The following FAM107A variants were observed in gnomAD, a reference collection of about 807,000 sequenced individuals.
FAM107A encodes family with sequence similarity 107 member A.
In FAM107A, 19 loss-of-function variants were observed where a neutral mutation model predicts 13.7. That is an observed-to-expected ratio of 1.38 (90% CI 0.97 to 2.03). The LOEUF (loss-of-function observed/expected upper bound fraction) is 2.03, where lower values mean the gene tolerates loss of function less well. Among genes scored for constraint, FAM107A ranks in the 30% most tolerant of loss-of-function variants. The pLI is 0.00. For missense variants in FAM107A, 203 were observed against 184.4 expected, an observed-to-expected ratio of 1.10 and a Z score of -0.58; for synonymous variants, 82 against 74.5, an observed-to-expected ratio of 1.10 and a Z score of -0.52.
chr3:58,598,568 C>T (rs572390520), intron 1 of FAM107A, among the ~76,000 whole-genome samples: 79 of 152,344 alleles, frequency 5.2e-4, no homozygotes, highest in Non-Finnish European at 9.8e-4. Flanking sequence ...TTGTTTCATT[C>T]CCCTTAAATG....
At chr3:58,615,486 G>A (rs1021026554) in intron 1 of FAM107A, among the ~76,000 whole-genome samples, 1 of 152,184 alleles carries the variant, frequency 6.6e-6, no homozygotes, top group African/African-American at 2.4e-5. Flanking sequence ...ACATGCTGAT[G>A]GGGAAAGCTA....
exon 1 of FAM107A, chr3:58,587,089 G>C: frequency 7.3e-7 from 1 of 1,369,612 alleles, no homozygotes; most frequent in Non-Finnish European, 9.4e-7. Flanking sequence ...CCGGAGGGGC[G>C]GGCGAGGAGA....
chr3:58,623,474 C>T (rs545964332), intron 1 of FAM107A, among the ~76,000 whole-genome samples: 32 of 152,326 alleles, frequency 2.1e-4, no homozygotes, highest in South Asian at 1.0e-3. Flanking sequence ...AACAGGACCA[C>T]GTGCCATTCC....
At chr3:58,597,537 A>G (rs1357919811) in intron 1 of FAM107A, among the ~76,000 whole-genome samples, 1 of 152,244 alleles carries the variant, frequency 6.6e-6, no homozygotes, top group Non-Finnish European at 1.5e-5. Flanking sequence ...TGTAAACACT[A>G]TGAGAATAGG....
upstream of FAM107A, among the ~76,000 whole-genome samples, chr3:58,591,518 C>T (rs867316094): frequency 5.9e-5 from 9 of 152,184 alleles, no homozygotes; most frequent in South Asian, 1.0e-3. This position sits in a 1 kb window ranked among gnomAD's most constrained non-coding sequence, Gnocchi z 4.3. Context: ...GCCTCATACT[C>T]CAACCACTGA....
intron 1 of FAM107A, among the ~76,000 whole-genome samples, chr3:58,594,472 C>T (rs568469597): frequency 6.6e-6 from 1 of 152,322 alleles, no homozygotes; most frequent in Admixed American, 6.5e-5. Flanking sequence ...ACTCTGGGTG[C>T]AAGACATCTC....
intron 1 of FAM107A, among the ~76,000 whole-genome samples, chr3:58,619,703 A>T (rs2065935536): frequency 6.6e-6 from 1 of 152,118 alleles, no homozygotes; most frequent in South Asian, 2.1e-4. Flanking sequence ...GGGGCTGTGC[A>T]CCCCAAGGGT....
chr3:58,593,818 C>A (rs1167808577), intron 1 of FAM107A, among the ~76,000 whole-genome samples: 1 of 152,142 alleles, frequency 6.6e-6, no homozygotes, highest in Non-Finnish European at 1.5e-5. Flanking sequence ...CACCTCCGAA[C>A]CTCCTTTAAT....
Position 58,617,597 on chromosome 3 carries a change from T to C in FAM107A, c.-70+9819A>G, listed in dbSNP as rs770330750. On this transcript the variant is annotated intron_variant, in intron 1 of 3. Coordinates refer to the FAM107A transcript ENST00000465970. The surrounding 1 kb of genome is among the most constrained non-coding windows in gnomAD (Gnocchi z 4.5). ...TTATGTTAGTTTGGGAGACACAGTG[T>C]TCTGAAAGCCGATCCCTGGGGCCCA... Among the ~76,000 whole-genome samples the C allele has an allele frequency of 9.9e-5, 15 of 152,162 alleles. No homozygotes were observed. Among genetic ancestry groups the C allele is most frequent in the Non-Finnish European group, 1.9e-4 (13 of 68,014 alleles).
upstream of FAM107A, among the ~76,000 whole-genome samples, chr3:58,581,311 G>C (rs896293169): frequency 1.3e-5 from 2 of 152,250 alleles, no homozygotes; most frequent in African/African-American, 2.4e-5. Flanking sequence ...AGGGGAGGCA[G>C]TCCTGACAGG....
chr3:58,571,328 A>C (rs966171971), intron 1 of FAM107A, among the ~76,000 whole-genome samples: 1 of 152,144 alleles, frequency 6.6e-6, no homozygotes, highest in Non-Finnish European at 1.5e-5. Flanking sequence ...AAAAAGTGTT[A>C]ATTATTATAA....
intron 1 of FAM107A, among the ~76,000 whole-genome samples, chr3:58,609,932 T>C (rs139457606): frequency 6.6e-6 from 1 of 152,186 alleles, no homozygotes; most frequent in Admixed American, 6.5e-5. Context: ...CTGGTTAATA[T>C]GTAAAGTGCT....
rs188894709 is a variant in FAM107A, at chr3:58,606,587, G to A, written c.-69-17318C>T. On this transcript the variant is annotated intron_variant, in intron 1 of 3. Coordinates refer to the FAM107A transcript ENST00000465970. ...TCCTTTTGGAGAATCACATCTGGAC[G>A]TGTGAATACAAGAGGCCCTGCAGGA... is the stretch of plus-strand genomic sequence containing the variant. Among the ~76,000 whole-genome samples, 352 of 152,356 alleles carry A rather than the reference G, an allele frequency of 2.3e-3. 2 individuals are homozygous for A. The highest frequency in any genetic ancestry group is 7.9e-3 in the African/African-American group (330 of 41,578).
In FAM107A at chr3:58,586,851, C is replaced by A. The variant is rs995562242; in HGVS notation, c.79+7G>T. On this transcript the variant is annotated splice_region_variant and intron_variant, in intron 1 of 3. Coordinates refer to the FAM107A transcript ENST00000447756. ...CCCGCGGCGAGGGTGGCGTTGCTCC[C>A]ACTTACCCGACCGGAGCAGCACAGC... 5 of 1,528,080 alleles carry A rather than the reference C, an allele frequency of 3.3e-6. No homozygotes were observed. The Middle Eastern group carries it at 6.7e-4, about 205-fold the overall frequency. 94.7% of individuals were successfully genotyped at this position (1,528,080 alleles called of 1,614,324 possible). A position where few individuals can be genotyped will look rare whatever the true frequency, so the allele number is the denominator to read the frequency against.
At chr3:58,609,355 A>T (rs912880107) in intron 1 of FAM107A, 1 of 152,226 alleles carries the variant, frequency 6.6e-6, no homozygotes, top group South Asian at 2.1e-4. Context: ...ACTGTAGACA[A>T]TGTAGAAAGT....
intron 1 of FAM107A, among the ~76,000 whole-genome samples, chr3:58,623,332 C>T (rs1368291704): frequency 6.6e-6 from 1 of 152,142 alleles, no homozygotes; most frequent in Non-Finnish European, 1.5e-5. Context: ...TTCAGGGCCA[C>T]AAAAAACCTG....
At chr3:58,572,454 C>A (rs1009768710) in intron 1 of FAM107A, among the ~76,000 whole-genome samples, 13 of 152,074 alleles carry the variant, frequency 8.5e-5, no homozygotes, top group African/African-American at 3.1e-4. Context: ...AGGAAGGAGG[C>A]CATTTGGGGC....
rs2063622492 is a variant in FAM107A at position 58,566,519 on chromosome 3, C to A, written c.*69G>T. On this transcript the variant is annotated 3_prime_UTR_variant, in exon 4 of 4. Coordinates refer to ENST00000360997, the MANE Select transcript of FAM107A (RefSeq NM_001076778.3). Reference sequence around the variant, plus strand: ...CCCAGGGCCTGGGGCCCAGGGCTGCCAGGTACAGAAGGGCTGAAGGAGGCT... The same window carrying A: ...CCCAGGGCCTGGGGCCCAGGGCTGCAAGGTACAGAAGGGCTGAAGGAGGCT... 8 of 1,114,960 alleles carry A rather than the reference C, an allele frequency of 7.2e-6. No homozygotes were observed. The highest frequency in any genetic ancestry group is 1.1e-5 in the Non-Finnish European group (8 of 734,334). The allele number at this position is 1,114,960 out of a possible 1,614,324, so 69.1% of individuals were successfully genotyped here.
chr3:58,620,024 G>A (rs749605730), intron 1 of FAM107A, among the ~76,000 whole-genome samples: 1 of 152,146 alleles, frequency 6.6e-6, no homozygotes, highest in Non-Finnish European at 1.5e-5. Context: ...CTTCCATAAG[G>A]TTGGCCTTCA....
Sources: allele counts gnomAD v4.1 joint callset (sites outside exome capture counted in the v4.1 genomes callset), GRCh38; gene constraint gnomAD v4.1.1; non-coding constraint Gnocchi (gnomAD v3.1); transcripts MANE v1.5; gene names NCBI Gene and HGNC (gene_info 2026-07-23, HGNC 2026-07-21).